The following FHIT variants were observed in gnomAD, a reference collection of about 807,000 sequenced individuals.
The protein encoded by FHIT is bis(5'-adenosyl)-triphosphatase.
In FHIT, 19 loss-of-function variants were observed where a neutral mutation model predicts 17.9. The ratio of observed to expected loss-of-function variants is 1.06; its 90% CI spans 0.74 to 1.56. The LOEUF (loss-of-function observed/expected upper bound fraction) is 1.56. Among genes scored for constraint, FHIT ranks in the 40% most tolerant of loss-of-function variants. The probability of loss-of-function intolerance (pLI) is 0.00; values close to 1 mark genes in which losing one functional copy is unlikely to be tolerated. For missense variants in FHIT, 248 were observed against 189.2 expected (o/e 1.31, Z -1.82); for synonymous variants, 81 against 69.7 (o/e 1.16, Z -0.81).
intron 3 of FHIT, among the ~76,000 whole-genome samples, chr3:60,996,526 T>G (rs1236620427): frequency 6.6e-6 from 1 of 152,210 alleles, no homozygotes. Flanking sequence ...TCTATTTGAT[T>G]GTTTAAAGGA....
intron 7 of FHIT, among the ~76,000 whole-genome samples, chr3:59,952,011 C>G (rs1162948169): frequency 6.6e-6 from 1 of 152,084 alleles, no homozygotes; most frequent in Non-Finnish European, 1.5e-5. Flanking sequence ...CAAATTCCTC[C>G]TAGGATGGCC....
intron 4 of FHIT, among the ~76,000 whole-genome samples, chr3:60,633,475 T>C (rs766725252): frequency 1.8e-4 from 28 of 152,194 alleles, no homozygotes; most frequent in Non-Finnish European, 3.1e-4. Context: ...AATCTGTACA[T>C]ACTTGGAACA....
At chr3:60,389,714 A>G (rs575318052) in intron 5 of FHIT, among the ~76,000 whole-genome samples, 2 of 152,194 alleles carry the variant, frequency 1.3e-5, no homozygotes, top group African/African-American at 2.4e-5. Flanking sequence ...CCGTGTAGCC[A>G]TATTTCAAGC....
intron 2 of FHIT, among the ~76,000 whole-genome samples, chr3:61,055,298 T>C (rs1559945716): frequency 6.6e-6 from 1 of 152,114 alleles, no homozygotes; most frequent in African/African-American, 2.4e-5. Context: ...CTATCTGTCC[T>C]CTCCACTAAA....
intron 8 of FHIT, among the ~76,000 whole-genome samples, chr3:59,798,332 T>C (rs1463018015): frequency 6.6e-6 from 1 of 152,220 alleles, no homozygotes; most frequent in Non-Finnish European, 1.5e-5. Context: ...AGTATAGTGC[T>C]ATACGATTTA....
At chr3:60,611,637 G>T (rs1320764171) in intron 4 of FHIT, among the ~76,000 whole-genome samples, 1 of 152,118 alleles carries the variant, frequency 6.6e-6, no homozygotes, top group East Asian at 1.9e-4. Context: ...TTTTTATGTA[G>T]TGTAGGACAA....
In FHIT at chr3:60,163,087, G is replaced by A. The variant is rs920419861; in HGVS notation, c.104-148935C>T. Among the ~76,000 whole-genome samples the A allele has an allele frequency of 8.5e-5, 13 of 152,192 alleles. 1 individual carries two copies. The highest frequency in any genetic ancestry group is 8.5e-4 in the Admixed American group (13 of 15,286). ...GCCTAGGCTGGACTGAAGACATGAGGGGAAGTTCTGCAAAAGACATTGTGC... is the reference window on the plus strand; with the variant it reads ...GCCTAGGCTGGACTGAAGACATGAGAGGAAGTTCTGCAAAAGACATTGTGC... On this transcript the variant is annotated intron_variant, in intron 5 of 9. Coordinates refer to ENST00000492590, the MANE Select transcript of FHIT (RefSeq NM_002012.4).
intron 3 of FHIT, among the ~76,000 whole-genome samples, chr3:61,009,321 C>A (rs867803971): frequency 6.6e-6 from 1 of 152,140 alleles, no homozygotes; most frequent in Non-Finnish European, 1.5e-5. Context: ...TTCCCTAATT[C>A]GTCCTTAGTT....
At chr3:61,007,223 A>G (rs535087675) in intron 3 of FHIT, among the ~76,000 whole-genome samples, 1 of 152,324 alleles carries the variant, frequency 6.6e-6, no homozygotes, top group East Asian at 1.9e-4. Context: ...GACATTTGCA[A>G]TAATGTGTTT....
At chr3:60,456,815 G>A (rs961552916) in intron 5 of FHIT, among the ~76,000 whole-genome samples, 24 of 151,938 alleles carry the variant, frequency 1.6e-4, no homozygotes, top group Non-Finnish European at 3.1e-4. Flanking sequence ...TGGATCAGGA[G>A]GCATGAAAGC....
intron 7 of FHIT, among the ~76,000 whole-genome samples, chr3:59,968,335 A>G (rs1708024279): frequency 6.6e-6 from 1 of 152,068 alleles, no homozygotes; most frequent in Non-Finnish European, 1.5e-5. Flanking sequence ...GCCTGGCCAG[A>G]AAAAGGGCAG....
intron 3 of FHIT, among the ~76,000 whole-genome samples, chr3:60,846,999 T>C (rs1702951811): frequency 6.6e-6 from 1 of 152,076 alleles, no homozygotes; most frequent in African/African-American, 2.4e-5. Context: ...AATTTTTGTA[T>C]TTTTAGTAGA....
chr3:60,014,580 A>C (rs1221702785), intron 5 of FHIT, among the ~76,000 whole-genome samples: 1 of 152,238 alleles, frequency 6.6e-6, no homozygotes, highest in Non-Finnish European at 1.5e-5. Context: ...CATGGGGATA[A>C]ATTTTTAATT....
intron 4 of FHIT, among the ~76,000 whole-genome samples, chr3:60,635,598 G>T (rs1553683608): frequency 6.6e-6 from 1 of 152,108 alleles, no homozygotes; most frequent in African/African-American, 2.4e-5. Flanking sequence ...GAAATCCCTG[G>T]TAAGTTGTAG....
chr3:59,871,796 G>C (rs954212835), intron 8 of FHIT, among the ~76,000 whole-genome samples: 3 of 152,178 alleles, frequency 2.0e-5, no homozygotes, highest in Non-Finnish European at 4.4e-5. Flanking sequence ...TCCACATAGA[G>C]TTGTTTCTCA....
intron 3 of FHIT, among the ~76,000 whole-genome samples, chr3:60,974,033 G>A (rs964474901): frequency 3.3e-5 from 5 of 152,120 alleles, no homozygotes; most frequent in African/African-American, 9.7e-5. Context: ...TCAAAATCAT[G>A]CACACAATTC....
intron 4 of FHIT, among the ~76,000 whole-genome samples, chr3:60,550,973 C>T (rs2036526424): frequency 6.6e-6 from 1 of 152,120 alleles, no homozygotes; most frequent in Non-Finnish European, 1.5e-5. Flanking sequence ...GCAGAAGTGG[C>T]TGCCTAAGTG....
intron 5 of FHIT, among the ~76,000 whole-genome samples, chr3:60,114,796 A>T (rs1338653575): frequency 6.6e-6 from 1 of 152,048 alleles, no homozygotes; most frequent in East Asian, 1.9e-4. Flanking sequence ...CAAAAAGAAA[A>T]ATCTTCCTTA....
intron 4 of FHIT, among the ~76,000 whole-genome samples, chr3:60,699,279 G>C (rs574292768): frequency 2.0e-3 from 302 of 152,196 alleles, no homozygotes; most frequent in Middle Eastern, 0.01. Flanking sequence ...AGTATAGCTG[G>C]ACCAGAAAGT....
Sources: gnomAD v4.1 joint callset for allele counts (sites outside exome capture counted in the v4.1 genomes callset) on GRCh38, gnomAD v4.1.1 for gene constraint, MANE v1.5 for transcripts, NCBI Gene and HGNC (gene_info 2026-07-23, HGNC 2026-07-21) for gene names.